FRMPD4: variants seen among roughly 807,000 people sequenced by gnomAD.
FRMPD4 encodes FERM and PDZ domain-containing protein 4.
In FRMPD4, 22 loss-of-function variants were observed where a neutral mutation model predicts 94.1. The observed-to-expected ratio is 0.23, with a 90% CI of 0.17 to 0.33. FRMPD4 has a LOEUF of 0.33. Among genes scored for constraint, FRMPD4 ranks in the 10% least tolerant of loss-of-function variants. FRMPD4 has a pLI of 1.00. For missense variants in FRMPD4, 1,111 were observed against 1,339.9 expected, an observed-to-expected ratio of 0.83 and a Z score of 2.67; for synonymous variants, 631 against 548.6, an observed-to-expected ratio of 1.15 and a Z score of -2.10.
chrX:12,642,096 G>T (rs1233696280), intron 4 of FRMPD4, among the ~76,000 whole-genome samples: 1 of 111,276 alleles, frequency 9.0e-6, no homozygotes, highest in African/African-American at 3.3e-5. Context: ...CATTTAATAA[G>T]CATTTAGTAG....
At chrX:12,077,841 A>G (rs957783541) in intron 3 of FRMPD4, among the ~76,000 whole-genome samples, 1 of 111,997 alleles carries the variant, frequency 8.9e-6, no homozygotes, top group Non-Finnish European at 1.9e-5. Flanking sequence ...CTTTAGTGCC[A>G]TAATCACTGC....
intron 1 of FRMPD4, among the ~76,000 whole-genome samples, chrX:12,343,442 G>A (rs193143254): frequency 9.0e-6 from 1 of 111,304 alleles, no homozygotes; most frequent in Admixed American, 9.5e-5. Flanking sequence ...TGGAGCTCAA[G>A]AAAGAGGTCA....
At chrX:12,241,960 GGAGGAGGAGGAA>G (rs1384524048) in intron 1 of FRMPD4, among the ~76,000 whole-genome samples, 27 of 106,597 alleles carry the variant, frequency 2.5e-4, no homozygotes, top group African/African-American at 8.9e-4. Context: ...GGGAGGAGGA[GGAGGAGGAGGAA>G]GAGGAAGAGG....
rs199942825 is a variant in FRMPD4, at chrX:12,706,821, C to T, written c.1198-5C>T. ...TAACACCTGAGGTTTCTTTTCTCTC[C>T]TCAGCTCTCTGCACTACAAGCCAAG... On this transcript the variant is annotated splice_polypyrimidine_tract_variant and splice_region_variant and intron_variant, in intron 11 of 16. Transcript: ENST00000675598. 7.1e-5 allele frequency: 78 copies of T among 1,105,292 alleles called. No homozygotes were observed. Among genetic ancestry groups the T allele is most frequent in the Non-Finnish European group, 9.7e-5 (78 of 805,409 alleles). The allele number at this position is 1,105,292 out of a possible 1,213,427, so 91.1% of individuals were successfully genotyped here. A position where few individuals can be genotyped will look rare whatever the true frequency, so the allele number is the denominator to read the frequency against.
At chrX:12,166,511 T>C in intron 1 of FRMPD4, among the ~76,000 whole-genome samples, 1 of 111,585 alleles carries the variant, frequency 9.0e-6, no homozygotes, top group Non-Finnish European at 1.9e-5. Context: ...TCTAAAATTC[T>C]CTTTTTTTGT....
chrX:12,636,781 A>G (rs1208406507), intron 4 of FRMPD4, among the ~76,000 whole-genome samples: 2 of 112,160 alleles, frequency 1.8e-5, no homozygotes, highest in African/African-American at 6.5e-5. Flanking sequence ...ATTTAAGTAT[A>G]TTGGATATAT....
intron 1 of FRMPD4, among the ~76,000 whole-genome samples, chrX:12,416,323 A>G (rs1273125345): frequency 2.7e-5 from 3 of 111,201 alleles, no homozygotes; most frequent in East Asian, 2.8e-4. Context: ...TTGTTCTTAG[A>G]GGGGCATGGC....
At chrX:12,490,384 G>A (rs2057780689) in intron 1 of FRMPD4, among the ~76,000 whole-genome samples, 1 of 111,152 alleles carries the variant, frequency 9.0e-6, no homozygotes, top group East Asian at 2.8e-4. Context: ...CATTGTAGAT[G>A]CTAGGCTAGA....
chrX:12,352,857 G>A (rs891307795), intron 1 of FRMPD4, among the ~76,000 whole-genome samples: 4 of 112,106 alleles, frequency 3.6e-5, no homozygotes, highest in Non-Finnish European at 7.5e-5. Flanking sequence ...GCCTGTGTTA[G>A]TTAGTTTGTG....
Position 12,718,396 on chromosome X carries a change from T to A in FRMPD4, c.3570T>A (p.Leu1190=). 1 of 1,211,965 alleles carries A rather than the reference T, an allele frequency of 8.3e-7. No individual in the cohort carries two copies. The highest frequency in any genetic ancestry group is 1.1e-6 in the Non-Finnish European group (1 of 895,440). Residue 1190 remains leucine, a synonymous_variant, in exon 16 of 17, where the codon CTT becomes CTA. Transcript: ENST00000675598. ...AGGCTGATGAGAGTGTGGCCCGCCT[T>A]TGTGACTACCACTTGGCCAAGCGGA... ...LPEADESVAR[L]CDYHLAKRMS...
chrX:11,862,170 A>G (rs1340410220), intron 1 of FRMPD4, among the ~76,000 whole-genome samples: 1 of 111,169 alleles, frequency 9.0e-6, no homozygotes, highest in East Asian at 2.8e-4. Flanking sequence ...ATAATTTGAC[A>G]TGAGATTTTG....
At chrX:12,440,706 G>C (rs185583806) in intron 1 of FRMPD4, among the ~76,000 whole-genome samples, 6 of 111,013 alleles carry the variant, frequency 5.4e-5, no homozygotes, top group African/African-American at 9.8e-5. Flanking sequence ...ACTTGGGAGG[G>C]GGGGGAGCAG....
intron 2 of FRMPD4, among the ~76,000 whole-genome samples, chrX:12,559,759 T>C (rs1389099436): frequency 9.0e-6 from 1 of 111,294 alleles, no homozygotes; most frequent in Non-Finnish European, 1.9e-5. Context: ...AAAATAAAAA[T>C]TGTGTGACAA....
At chrX:12,353,946 G>A (rs2055853562) in intron 1 of FRMPD4, among the ~76,000 whole-genome samples, 1 of 111,929 alleles carries the variant, frequency 8.9e-6, no homozygotes, top group South Asian at 3.8e-4. Flanking sequence ...CACGACTACT[G>A]TATTATCCTT....
In FRMPD4 at chrX:12,266,065, G is replaced by A. The variant is rs1172076719; in HGVS notation, c.41+127053G>A. 8.0e-5 allele frequency among the ~76,000 whole-genome samples: 8 copies of A among 100,079 alleles called. No homozygotes were observed. In the South Asian group the frequency reaches 3.9e-3, roughly 48 times the overall value. The allele number at this position is 100,079 out of a possible 115,157, so 86.9% of individuals were successfully genotyped here. On this transcript the variant is annotated intron_variant, in intron 1 of 16. Transcript: ENST00000675598. ...GGAGAATGGCGTGAACCCGGGAGGCGGAGCTTGCAGTGAGCCGAGATCAAG... is the reference window on the plus strand; with the variant it reads ...GGAGAATGGCGTGAACCCGGGAGGCAGAGCTTGCAGTGAGCCGAGATCAAG...
chrX:12,678,450 CCTT>C (rs1316131835), intron 5 of FRMPD4, among the ~76,000 whole-genome samples: 1 of 112,199 alleles, frequency 8.9e-6, no homozygotes, highest in East Asian at 2.8e-4. Context: ...CCAGCTCCTT[CCTT>C]TTTTCCTTTG....
chrX:12,408,841 C>G (rs1181612885), intron 1 of FRMPD4, among the ~76,000 whole-genome samples: 4 of 111,805 alleles, frequency 3.6e-5, no homozygotes. Context: ...TTCAGCAACT[C>G]AGGAAGGCTT....
chrX:12,159,028 A>T (rs2055981156), intron 1 of FRMPD4, among the ~76,000 whole-genome samples: 1 of 112,391 alleles, frequency 8.9e-6, no homozygotes, highest in South Asian at 3.7e-4. Context: ...CTGGAGCAGG[A>T]TACAAGTGCT....
At chrX:12,499,923 T>C (rs2057898596) in intron 2 of FRMPD4, among the ~76,000 whole-genome samples, 1 of 112,063 alleles carries the variant, frequency 8.9e-6, no homozygotes, top group Non-Finnish European at 1.9e-5. Flanking sequence ...ATGGAATTGT[T>C]GGGTCAAAAT....
Sources: allele counts gnomAD v4.1 joint callset (sites outside exome capture counted in the v4.1 genomes callset), GRCh38; gene constraint gnomAD v4.1.1; transcripts MANE v1.5; gene names NCBI Gene and HGNC (gene_info 2026-07-23, HGNC 2026-07-21).